Variants in PITPNA observed in about 807,000 individuals in gnomAD.
PITPNA encodes phosphatidylinositol transfer protein alpha, also known as phosphatidylinositol transfer protein alpha isoform.
PITPNA carries 13 observed loss-of-function variants against 50.3 expected under a neutral mutation model. That is an observed-to-expected ratio of 0.26 (90% CI 0.17 to 0.41). The LOEUF is 0.41. PITPNA is among the 10% of genes least tolerant of loss of function. PITPNA has a pLI of 1.00. For missense variants in PITPNA, 207 were observed against 333.4 expected, an observed-to-expected ratio of 0.62 and a Z score of 2.95; for synonymous variants, 120 against 119.6, an observed-to-expected ratio of 1.00 and a Z score of -0.02.
At chr17:1,527,765 A>G (rs913034795) in intron 10 of PITPNA, among the ~76,000 whole-genome samples, 1 of 152,274 alleles carries the variant, frequency 6.6e-6, no homozygotes, top group South Asian at 2.1e-4. Flanking sequence ...ATTACATTGT[A>G]CTATAGTTTT....
rs150127901 is a variant in PITPNA at position 1,538,571 on chromosome 17, C to T, written c.456+298G>A. The T allele has an allele frequency of 2.1e-4, 49 of 235,228 alleles. No homozygotes were observed. In the East Asian group the frequency reaches 3.4e-3, roughly 16 times the overall value. The allele number at this position is 235,228 out of a possible 1,614,324, so 14.6% of individuals were successfully genotyped here. A position where few individuals can be genotyped will look rare whatever the true frequency, so the allele number is the denominator to read the frequency against. On this transcript the variant is annotated intron_variant, in intron 7 of 11. Coordinates refer to ENST00000313486, the MANE Select transcript of PITPNA (RefSeq NM_006224.4). Reference sequence around the variant, plus strand: ...AAAATAAATTTGAGAAGTGGTGCTCCGATTTTTCAGGCTAAGCATCATTTT... The same window carrying T: ...AAAATAAATTTGAGAAGTGGTGCTCTGATTTTTCAGGCTAAGCATCATTTT...
At chr17:1,555,580 C>T (rs2075731152) in intron 2 of PITPNA, among the ~76,000 whole-genome samples, 1 of 152,174 alleles carries the variant, frequency 6.6e-6, no homozygotes, top group African/African-American at 2.4e-5. Context: ...GTTCACCTAT[C>T]CCAGAGAACT....
chr17:1,553,393 G>T (rs564124634), intron 2 of PITPNA, among the ~76,000 whole-genome samples: 53 of 152,078 alleles, frequency 3.5e-4, no homozygotes, highest in Admixed American at 1.3e-3. Context: ...CACCCATCAG[G>T]GTTTATTTTT....
intron 10 of PITPNA, among the ~76,000 whole-genome samples, chr17:1,529,199 T>C (rs962668123): frequency 1.4e-5 from 2 of 145,540 alleles, no homozygotes; most frequent in East Asian, 2.1e-4. Context: ...CCTTCACATA[T>C]AGGGATCCTG....
At chr17:1,544,083 A>C (rs1461896135) in intron 4 of PITPNA, among the ~76,000 whole-genome samples, 3 of 152,214 alleles carry the variant, frequency 2.0e-5, no homozygotes, top group Non-Finnish European at 4.4e-5. Flanking sequence ...ACCAGCCACT[A>C]AACTTCTCCA....
chr17:1,552,594 A>G (rs2075715154), intron 3 of PITPNA, among the ~76,000 whole-genome samples: 1 of 152,188 alleles, frequency 6.6e-6, no homozygotes. Context: ...TTTTAGGAAT[A>G]TTTGCTAAAA....
chr17:1,558,788 C>G (rs975598887), intron 1 of PITPNA, among the ~76,000 whole-genome samples: 1 of 120,288 alleles, frequency 8.3e-6, no homozygotes, highest in African/African-American at 3.1e-5. Flanking sequence ...CCGCCCCCCC[C>G]CCCAGAGAAT....
chr17:1,541,743 G>A, intron 5 of PITPNA, 103 bp from the exon 6 acceptor site: 1 of 776,658 alleles, frequency 1.3e-6, no homozygotes, highest in South Asian at 1.5e-5. Flanking sequence ...GGGCAGCTAG[G>A]AGATTCCAGC....
chr17:1,521,927 G>A (rs1598401474), intron 10 of PITPNA, among the ~76,000 whole-genome samples: 1 of 120,170 alleles, frequency 8.3e-6, no homozygotes, highest in Non-Finnish European at 1.7e-5. Flanking sequence ...GTCTTCCTAT[G>A]TTGACCAGGC....
intron 10 of PITPNA, among the ~76,000 whole-genome samples, chr17:1,526,525 C>T (rs2075549175): frequency 1.3e-5 from 2 of 152,204 alleles, no homozygotes; most frequent in Non-Finnish European, 2.9e-5. Context: ...CACTAATGAC[C>T]ATTTACAAAA....
rs947787527 is a variant in PITPNA at position 1,519,972 on chromosome 17, T to C, written c.*589A>G. 2 of 152,264 alleles carry C rather than the reference T, an allele frequency of 1.3e-5. No homozygotes were observed. Among genetic ancestry groups the C allele is most frequent in the African/African-American group, 2.4e-5 (1 of 41,452 alleles). 9.4% of individuals were successfully genotyped at this position (152,264 alleles called of 1,614,324 possible). A position where few individuals can be genotyped will look rare whatever the true frequency, so the allele number is the denominator to read the frequency against. The stretch of plus-strand genomic sequence containing the variant: ...ACTGGCTGAGCCTTGGGTACCTCCA[T>C]AGTGCTAGAGTGCCCTAACGATGGG... On this transcript the variant is annotated 3_prime_UTR_variant, in exon 12 of 12. Coordinates refer to ENST00000313486, the MANE Select transcript of PITPNA (RefSeq NM_006224.4).
At chr17:1,546,217 C>G (rs1259119850) in intron 4 of PITPNA, among the ~76,000 whole-genome samples, 2 of 152,102 alleles carry the variant, frequency 1.3e-5, no homozygotes, top group African/African-American at 4.8e-5. Flanking sequence ...GCATGAGCCA[C>G]CGTGCCCGAC....
chr17:1,555,946 G>A (rs779075850), intron 2 of PITPNA, among the ~76,000 whole-genome samples: 2 of 152,142 alleles, frequency 1.3e-5, no homozygotes, highest in Non-Finnish European at 2.9e-5. Context: ...GCAGGCCATC[G>A]GAATGATTAC....
chr17:1,537,225 G>A (rs2075623512), intron 7 of PITPNA, among the ~76,000 whole-genome samples: 1 of 151,930 alleles, frequency 6.6e-6, no homozygotes, highest in African/African-American at 2.4e-5. Flanking sequence ...CACCACGCCT[G>A]GCTAATCTGT....
chr17:1,537,419 A>G (rs551162034), intron 7 of PITPNA, among the ~76,000 whole-genome samples: 2 of 152,164 alleles, frequency 1.3e-5, no homozygotes, highest in East Asian at 3.9e-4. Flanking sequence ...AGCTGGTCTC[A>G]AACTCCTGAC....
rs954834283 is a variant in PITPNA, at chr17:1,519,390, G to A, written c.*1171C>T. The A allele has an allele frequency of 6.6e-6, 1 of 152,350 alleles. No homozygotes were observed. Among genetic ancestry groups the A allele is most frequent in the South Asian group, 2.1e-4 (1 of 4,824 alleles). 9.4% of individuals were successfully genotyped at this position (152,350 alleles called of 1,614,324 possible). On this transcript the variant is annotated 3_prime_UTR_variant, in exon 12 of 12. Coordinates refer to ENST00000313486, the MANE Select transcript of PITPNA (RefSeq NM_006224.4). Reference sequence around the variant, plus strand: ...GCAGCGTCTGTTCCCCTGGAGCCTGGACTTCCTCACCAGCCTACTTTGGTC... The same window carrying A: ...GCAGCGTCTGTTCCCCTGGAGCCTGAACTTCCTCACCAGCCTACTTTGGTC...
At chr17:1,547,694 TTC>T (rs1302206395) in intron 4 of PITPNA, among the ~76,000 whole-genome samples, 1 of 151,120 alleles carries the variant, frequency 6.6e-6, no homozygotes, top group Non-Finnish European at 1.5e-5. Context: ...TCTAAAATTT[TTC>T]GAGAAAATGT....
At chr17:1,535,630 C>A in intron 7 of PITPNA, 112 bp from the exon 8 acceptor site, 1 of 734,642 alleles carries the variant, frequency 1.4e-6, no homozygotes, top group East Asian at 2.6e-5. Context: ...ATGCTGATGG[C>A]ACAAAGCAAA....
At position 1,518,047 on chromosome 17, in the gene PITPNA, G is replaced by A. The variant is rs982565886; in HGVS notation, c.*2514C>T. On this transcript the variant is annotated 3_prime_UTR_variant, in exon 12 of 12. Coordinates refer to ENST00000313486, the MANE Select transcript of PITPNA (RefSeq NM_006224.4). ...CTCAATATACCTGTATTGGAAGATT[G>A]AGACAAAAAGGCACAAACTCACATT... 6.6e-6 allele frequency: 1 copy of A among 152,538 alleles called. No homozygotes were observed. Among genetic ancestry groups the A allele is most frequent in the Non-Finnish European group, 1.5e-5 (1 of 68,024 alleles). The allele number at this position is 152,538 out of a possible 1,614,324, so 9.4% of individuals were successfully genotyped here. A position where few individuals can be genotyped will look rare whatever the true frequency, so the allele number is the denominator to read the frequency against.
Sources: gnomAD v4.1 joint callset for allele counts (sites outside exome capture counted in the v4.1 genomes callset) on GRCh38, gnomAD v4.1.1 for gene constraint, MANE v1.5 for transcripts, NCBI Gene and HGNC (gene_info 2026-07-23, HGNC 2026-07-21) for gene names.